SDC2: variants seen among roughly 807,000 people sequenced by gnomAD.
The protein encoded by SDC2 is syndecan-2.
Under a neutral mutation model 22.2 loss-of-function variants are expected in SDC2, and 13 were observed. The ratio of observed to expected loss-of-function variants is 0.59; its 90% CI spans 0.38 to 0.93. The LOEUF is 0.93. SDC2 is among the 40% of genes least tolerant of loss of function. SDC2 has a pLI of 0.00. For synonymous variants in SDC2, 94 were observed against 92.8 expected, an observed-to-expected ratio of 1.01 and a Z score of -0.07; for missense variants, 235 against 246.8, an observed-to-expected ratio of 0.95 and a Z score of 0.32.
At chr8:96,512,302 C>A (rs534811680) in intron 1 of SDC2, among the ~76,000 whole-genome samples, 3 of 152,182 alleles carry the variant, frequency 2.0e-5, no homozygotes, top group Non-Finnish European at 4.4e-5. Context: ...GGAGCGACTT[C>A]TCCTCTGGTG....
At chr8:96,540,048 G>GT (rs1813819771) in intron 1 of SDC2, among the ~76,000 whole-genome samples, 1 of 151,914 alleles carries the variant, frequency 6.6e-6, no homozygotes, top group Non-Finnish European at 1.5e-5. Flanking sequence ...CAAGCCTCCA[G>GT]TAAGTTTCAA....
At chr8:96,523,752 T>A (rs2130466197) in intron 1 of SDC2, among the ~76,000 whole-genome samples, 1 of 152,342 alleles carries the variant, frequency 6.6e-6, no homozygotes, top group East Asian at 1.9e-4. Context: ...CTTAAGTATT[T>A]GGTACAAGAA....
At chr8:96,601,759 GT>G (rs1330041458) in intron 2 of SDC2, among the ~76,000 whole-genome samples, 1 of 151,710 alleles carries the variant, frequency 6.6e-6, no homozygotes, top group African/African-American at 2.4e-5. Flanking sequence ...TTTGTTGTGG[GT>G]TTTTTTAATT....
chr8:96,579,918 G>A (rs939208432), intron 1 of SDC2, among the ~76,000 whole-genome samples: 1 of 152,070 alleles, frequency 6.6e-6, no homozygotes, highest in Non-Finnish European at 1.5e-5. Flanking sequence ...TCTTAGCATG[G>A]GATTGTTTTC....
intron 1 of SDC2, among the ~76,000 whole-genome samples, chr8:96,590,817 C>G (rs1246337869): frequency 6.6e-6 from 1 of 152,036 alleles, no homozygotes; most frequent in African/African-American, 2.4e-5. Context: ...TTTTCACCAC[C>G]CTGGATCACA....
chr8:96,537,880 T>C (rs1327666076), intron 1 of SDC2, among the ~76,000 whole-genome samples: 2 of 152,206 alleles, frequency 1.3e-5, no homozygotes, highest in Non-Finnish European at 2.9e-5. Flanking sequence ...GAATGTTTAG[T>C]CTTGGGGCAT....
chr8:96,597,143 G>A (rs918129583), intron 2 of SDC2, among the ~76,000 whole-genome samples: 7 of 152,180 alleles, frequency 4.6e-5, no homozygotes, highest in Admixed American at 4.6e-4. Flanking sequence ...GGGGCTGGGG[G>A]TACCTTATGT....
At chr8:96,522,955 C>G (rs1199072556) in intron 1 of SDC2, among the ~76,000 whole-genome samples, 1 of 152,120 alleles carries the variant, frequency 6.6e-6, no homozygotes, top group Non-Finnish European at 1.5e-5. Flanking sequence ...CTGCTTTTGC[C>G]TAGGGTTGGA....
intron 1 of SDC2, among the ~76,000 whole-genome samples, chr8:96,551,347 G>A (rs115513326): frequency 0.036 from 5,436 of 152,204 alleles, 217 homozygotes; most frequent in African/African-American, 0.097. Flanking sequence ...GTACAAAACA[G>A]GCTACTTTCT....
chr8:96,591,797 A>C (rs1449456344), intron 1 of SDC2, among the ~76,000 whole-genome samples: 1 of 152,018 alleles, frequency 6.6e-6, no homozygotes, highest in Non-Finnish European at 1.5e-5. Flanking sequence ...TCATGGGAGC[A>C]CGAATGGTGG....
intron 1 of SDC2, among the ~76,000 whole-genome samples, chr8:96,510,464 C>T (rs909678162): frequency 2.6e-5 from 4 of 152,092 alleles, no homozygotes; most frequent in Non-Finnish European, 2.9e-5. Flanking sequence ...TTACTTTGTT[C>T]GGGTATCTAA....
chr8:96,580,874 T>A (rs960355537), intron 1 of SDC2, among the ~76,000 whole-genome samples: 1 of 152,192 alleles, frequency 6.6e-6, no homozygotes, highest in Non-Finnish European at 1.5e-5. Flanking sequence ...TGGGGATTTT[T>A]ATAAAATAGT....
intron 1 of SDC2, among the ~76,000 whole-genome samples, chr8:96,542,174 G>A (rs538086071): frequency 4.3e-4 from 65 of 152,278 alleles, no homozygotes; most frequent in Non-Finnish European, 7.1e-4. Context: ...AGCCAATGCC[G>A]TGGATCATTT....
At chr8:96,599,223 G>C (rs560047859) in intron 2 of SDC2, among the ~76,000 whole-genome samples, 5 of 152,056 alleles carry the variant, frequency 3.3e-5, no homozygotes, top group Non-Finnish European at 5.9e-5. Context: ...TTGCAGGCGC[G>C]AGCTACTGTG....
At chr8:96,542,454 T>C (rs1341564144) in intron 1 of SDC2, among the ~76,000 whole-genome samples, 1 of 152,232 alleles carries the variant, frequency 6.6e-6, no homozygotes, top group Non-Finnish European at 1.5e-5. Flanking sequence ...GGCTAATGCC[T>C]ATTTAATTGA....
intron 1 of SDC2, among the ~76,000 whole-genome samples, chr8:96,511,867 A>G (rs749592689): frequency 6.6e-6 from 1 of 151,262 alleles, no homozygotes; most frequent in African/African-American, 2.4e-5. Flanking sequence ...ATTCACTTTC[A>G]GGTTTTACAG....
chr8:96,517,717 A>G (rs982107936), intron 1 of SDC2, among the ~76,000 whole-genome samples: 1 of 147,010 alleles, frequency 6.8e-6, no homozygotes, highest in African/African-American at 2.5e-5. Flanking sequence ...CTATATGTAC[A>G]TATTTTTGTA....
chr8:96,497,901 G>A (rs1217435611), intron 1 of SDC2, among the ~76,000 whole-genome samples: 1 of 152,194 alleles, frequency 6.6e-6, no homozygotes, highest in Admixed American at 6.5e-5. Flanking sequence ...TTCTTCCCAA[G>A]GCAGAAGGGT....
At chr8:96,533,921 G>A (rs1813708194) in intron 1 of SDC2, among the ~76,000 whole-genome samples, 1 of 152,172 alleles carries the variant, frequency 6.6e-6, no homozygotes, top group Admixed American at 6.5e-5. Context: ...GGAGGCTTGG[G>A]CATGGCGGGC....
Sources: gnomAD v4.1 joint callset for allele counts (sites outside exome capture counted in the v4.1 genomes callset) on GRCh38, gnomAD v4.1.1 for gene constraint, MANE v1.5 for transcripts, NCBI Gene and HGNC (gene_info 2026-07-23, HGNC 2026-07-21) for gene names.